The following ASH1L variants were observed in gnomAD, a reference collection of about 807,000 sequenced individuals.
ASH1L encodes the protein ASH1 like histone lysine methyltransferase, also known as histone-lysine N-methyltransferase ASH1L.
In ASH1L, 23 loss-of-function variants were observed where a neutral mutation model predicts 269.0. The ratio of observed to expected loss-of-function variants is 0.09; its 90% CI spans 0.06 to 0.12. The LOEUF (loss-of-function observed/expected upper bound fraction) is 0.12, where lower values mean the gene tolerates loss of function less well. Ranked by LOEUF, ASH1L falls within the 10% of genes least tolerant of loss-of-function variation. The pLI is 1.00. For synonymous variants in ASH1L, 1,187 were observed against 1,253.5 expected (o/e 0.95, Z 1.12); for missense variants, 2,912 against 3,567.8 (o/e 0.82, Z 4.68).
At chr1:155,409,226 A>G (rs975889907) in intron 6 of ASH1L, among the ~76,000 whole-genome samples, 5 of 152,050 alleles carry the variant, frequency 3.3e-5, no homozygotes, top group African/African-American at 1.2e-4. Context: ...GGGTTTCACC[A>G]TGTTGGCCAG....
intron 1 of ASH1L, among the ~76,000 whole-genome samples, chr1:155,553,800 A>G (rs1351945554): frequency 6.6e-6 from 1 of 151,470 alleles, no homozygotes; most frequent in Non-Finnish European, 1.5e-5. Context: ...CTCCTATTAG[A>G]ATTTTTTTTT....
At chr1:155,550,411 T>C (rs879347560) in intron 1 of ASH1L, among the ~76,000 whole-genome samples, 2 of 152,170 alleles carry the variant, frequency 1.3e-5, no homozygotes, top group African/African-American at 2.4e-5. Context: ...CCAATCAAAC[T>C]TGAAATACAA....
In ASH1L at chr1:155,481,619, G is replaced by A. The variant is rs780958407; in HGVS notation, c.1251C>T (p.Ile417=). Residue 417 remains isoleucine (I), a synonymous_variant, in exon 3 of 28, where the codon ATC becomes ATT. Coordinates refer to ENST00000392403, the MANE Select transcript of ASH1L (RefSeq NM_018489.3). ...KLMSCPLAGL[I]SKDAINLKAE... ...CTTTAAGGTTTATGGCATCTTTACT[G>A]ATCAGACCTGCCAAAGGACAACTCA... 1 of 1,614,124 alleles carries A rather than the reference G, an allele frequency of 6.2e-7. No individual in the cohort carries two copies. The highest frequency in any genetic ancestry group is 8.5e-7 in the Non-Finnish European group (1 of 1,180,016).
At chr1:155,446,037 T>TC (rs938401697) in intron 4 of ASH1L, among the ~76,000 whole-genome samples, 2 of 144,584 alleles carry the variant, frequency 1.4e-5, no homozygotes, top group African/African-American at 2.5e-5. Flanking sequence ...ACACTGTACT[T>TC]TTTTTTTTTT....
At chr1:155,552,233 A>G (rs1486909602) in intron 1 of ASH1L, among the ~76,000 whole-genome samples, 1 of 151,960 alleles carries the variant, frequency 6.6e-6, no homozygotes, top group Non-Finnish European at 1.5e-5. Context: ...TTGGGAGGCC[A>G]AAGCAGGAGG....
At chr1:155,502,525 T>G (rs1667580755) in intron 2 of ASH1L, among the ~76,000 whole-genome samples, 2 of 152,178 alleles carry the variant, frequency 1.3e-5, no homozygotes, top group Admixed American at 6.5e-5. Flanking sequence ...TTTAAAGCAT[T>G]TTCTGTGTTG....
chr1:155,341,763 G>A (rs1013886089), intron 25 of ASH1L, among the ~76,000 whole-genome samples, 173 bp downstream of exon 25: 15 of 152,176 alleles, frequency 9.9e-5, no homozygotes, highest in Admixed American at 7.9e-4. Context: ...CAGTCTATGT[G>A]AGGAAATGTA....
chr1:155,347,972 G>A, intron 19 of ASH1L, 68 bp from the exon 20 acceptor site: 1 of 1,586,672 alleles, frequency 6.3e-7, no homozygotes, highest in Non-Finnish European at 8.6e-7. Flanking sequence ...ACCTAAAGAG[G>A]TAGCAAGGTA....
intron 6 of ASH1L, among the ~76,000 whole-genome samples, chr1:155,411,497 C>A (rs1454874969): frequency 2.7e-5 from 4 of 146,640 alleles, no homozygotes; most frequent in African/African-American, 1.0e-4. Context: ...ATTTTTAAAT[C>A]TTTAATCAAG....
At chr1:155,453,250 G>A (rs1663626058) in intron 4 of ASH1L, among the ~76,000 whole-genome samples, 1 of 152,134 alleles carries the variant, frequency 6.6e-6, no homozygotes. Flanking sequence ...AGCTACTGTG[G>A]AGGTTGAGTC....
At chr1:155,499,946 T>C (rs1667401636) in intron 2 of ASH1L, among the ~76,000 whole-genome samples, 1 of 152,132 alleles carries the variant, frequency 6.6e-6, no homozygotes. Context: ...CCAGCAGATA[T>C]CCTAGCTATG....
At chr1:155,529,194 T>C (rs1669482411) in intron 1 of ASH1L, among the ~76,000 whole-genome samples, 1 of 152,206 alleles carries the variant, frequency 6.6e-6, no homozygotes, top group Admixed American at 6.5e-5. Context: ...TTTATATTCC[T>C]TTGGGTATAT....
intron 4 of ASH1L, among the ~76,000 whole-genome samples, chr1:155,455,499 A>C (rs547265281): frequency 3.3e-5 from 5 of 152,362 alleles, no homozygotes; most frequent in African/African-American, 9.6e-5. Context: ...AGTTGTTTAC[A>C]TACCTCAGTT....
intron 2 of ASH1L, among the ~76,000 whole-genome samples, chr1:155,515,760 G>C: frequency 6.6e-6 from 1 of 150,610 alleles, no homozygotes. Flanking sequence ...CCCAGGAGGC[G>C]GAGGCTGCAG....
At chr1:155,497,830 AGTTCCGCCTCCCGG>A (rs995164775) in intron 2 of ASH1L, among the ~76,000 whole-genome samples, 1 of 152,002 alleles carries the variant, frequency 6.6e-6, no homozygotes, top group Non-Finnish European at 1.5e-5. Flanking sequence ...GCTCACTGCA[AGTTCCGCCTCCCGG>A]GTTCATGCCA....
chr1:155,343,561 G>C lies in ASH1L; in HGVS notation c.8120+43C>G. 2.5e-6 allele frequency: 4 copies of C among 1,612,832 alleles called. No individual in the cohort carries two copies. In the South Asian group the frequency reaches 3.3e-5, roughly 13 times the overall value. On this transcript the variant is annotated intron_variant, in intron 23 of 27. Coordinates refer to ENST00000392403, the MANE Select transcript of ASH1L (RefSeq NM_018489.3). This position sits in a 1 kb window ranked among gnomAD's most constrained non-coding sequence, Gnocchi z 6.1. Reference sequence around the variant, plus strand: ...TCCTAGTGAACATTCAGCTCCACTGGTACAGCACGGCTGGAAGAAAAGGAC... The same window carrying C: ...TCCTAGTGAACATTCAGCTCCACTGCTACAGCACGGCTGGAAGAAAAGGAC...
At chr1:155,522,421 A>G (rs1668953511) in intron 1 of ASH1L, among the ~76,000 whole-genome samples, 1 of 152,258 alleles carries the variant, frequency 6.6e-6, no homozygotes, top group Non-Finnish European at 1.5e-5. Context: ...AAGGGCAAAC[A>G]TTAAGCAAAT....
chr1:155,370,765 T>C lies in ASH1L; in HGVS notation c.6539+12A>G, dbSNP rs1205089726. 6.2e-7 allele frequency: 1 copy of C among 1,614,068 alleles called. No homozygotes were observed. The highest frequency in any genetic ancestry group is 1.3e-5 in the African/African-American group (1 of 74,936). ...TGGCATTTTATTAGAGTATCATCAT[T>C]TACCACCGTACCTGAACTCCTGTTC... is the stretch of plus-strand genomic sequence containing the variant. On this transcript the variant is annotated intron_variant, in intron 11 of 27. Coordinates refer to ENST00000392403, the MANE Select transcript of ASH1L (RefSeq NM_018489.3).
At chr1:155,356,637 C>T (rs759346342) in intron 15 of ASH1L, among the ~76,000 whole-genome samples, 59 of 144,954 alleles carry the variant, frequency 4.1e-4, no homozygotes, top group Non-Finnish European at 7.0e-4. Context: ...AGCGAGACTC[C>T]GTCTCAAAAA....
Sources: allele counts gnomAD v4.1 joint callset (sites outside exome capture counted in the v4.1 genomes callset), GRCh38; gene constraint gnomAD v4.1.1; non-coding constraint Gnocchi (gnomAD v3.1); transcripts MANE v1.5; gene names NCBI Gene and HGNC (gene_info 2026-07-23, HGNC 2026-07-21).